CRIM1: variants seen among roughly 807,000 people sequenced by gnomAD.
The protein encoded by CRIM1 is cysteine-rich motor neuron 1 protein.
In CRIM1, 32 loss-of-function variants were observed where a neutral mutation model predicts 116.4. That is an observed-to-expected ratio of 0.27 (90% CI 0.21 to 0.37). CRIM1 has a LOEUF of 0.37. Ranked by LOEUF, CRIM1 falls within the 10% of genes least tolerant of loss-of-function variation. The pLI is 1.00. For synonymous variants in CRIM1, 590 were observed against 509.2 expected, an observed-to-expected ratio of 1.16 and a Z score of -2.13; for missense variants, 1,331 against 1,354.8, an observed-to-expected ratio of 0.98 and a Z score of 0.28.
chr2:36,547,164 CA>C lies in CRIM1; in HGVS notation c.2929del (p.Thr977LeufsTer6). The C allele has an allele frequency of 6.2e-7, 1 of 1,610,230 alleles. No individual in the cohort carries two copies. Among genetic ancestry groups the C allele is most frequent in the Non-Finnish European group, 8.5e-7 (1 of 1,177,604 alleles). The stretch of plus-strand genomic sequence containing the variant: ...CCACTGCTTTGCTGGTATCGAACAC[CA>C]ACTAAGGTACTGTCTTGCAAAAGTT... The part of the protein sequence containing the change: ...WIPLLCWYRT[P>X]TKPSSLNNQL... On this transcript the variant is annotated frameshift_variant, in exon 16 of 17. Coordinates refer to ENST00000280527, the MANE Select transcript of CRIM1 (RefSeq NM_016441.3). LOFTEE classifies it high-confidence loss of function.
intron 2 of CRIM1, among the ~76,000 whole-genome samples, chr2:36,400,912 A>G (rs1428359904): frequency 6.6e-6 from 1 of 152,084 alleles, no homozygotes; most frequent in African/African-American, 2.4e-5. Flanking sequence ...TGAATAGTCT[A>G]GTTAAAGCCT....
chr2:36,533,689 TAGAC>T (rs1666275339), intron 13 of CRIM1, among the ~76,000 whole-genome samples: 1 of 152,214 alleles, frequency 6.6e-6, no homozygotes, highest in Non-Finnish European at 1.5e-5. Flanking sequence ...AATATTCTTT[TAGAC>T]AGTGATCTCA....
intron 2 of CRIM1, among the ~76,000 whole-genome samples, chr2:36,416,358 G>T (rs1243306727): frequency 6.6e-6 from 1 of 152,098 alleles, no homozygotes; most frequent in African/African-American, 2.4e-5. Context: ...AAAAGAATGG[G>T]AACTTTATTG....
At chr2:36,408,374 G>A (rs930266225) in intron 2 of CRIM1, among the ~76,000 whole-genome samples, 7 of 152,274 alleles carry the variant, frequency 4.6e-5, no homozygotes, top group Admixed American at 3.9e-4. Flanking sequence ...CCCAGGGCTC[G>A]GCGTGTGCTC....
chr2:36,513,395 A>G, intron 10 of CRIM1, 161 bp from the exon 11 acceptor site: 2 of 611,896 alleles, frequency 3.3e-6, no homozygotes, highest in Admixed American at 2.9e-5. Context: ...GATTGAGAAC[A>G]TACTGACTTA....
chr2:36,472,662 A>G (rs750977793), intron 5 of CRIM1, among the ~76,000 whole-genome samples: 2 of 152,190 alleles, frequency 1.3e-5, no homozygotes, highest in Admixed American at 6.5e-5. Context: ...GGCTTCACCC[A>G]GATGGTAGCT....
intron 1 of CRIM1, among the ~76,000 whole-genome samples, chr2:36,376,873 C>T (rs562726516): frequency 3.3e-5 from 5 of 152,260 alleles, no homozygotes; most frequent in African/African-American, 7.2e-5. Flanking sequence ...ATACTGCAAG[C>T]TTATAGCATT....
chr2:36,475,519 T>A (rs543335868), intron 5 of CRIM1, among the ~76,000 whole-genome samples: 2 of 152,370 alleles, frequency 1.3e-5, no homozygotes, highest in South Asian at 4.1e-4. Context: ...TCATGTCATC[T>A]GCAATTAGAG....
chr2:36,437,596 T>C (rs1024730119), intron 2 of CRIM1, among the ~76,000 whole-genome samples: 2 of 152,226 alleles, frequency 1.3e-5, no homozygotes, highest in Non-Finnish European at 2.9e-5. Context: ...GCCAGTGTGA[T>C]TGATCATCTT....
intron 4 of CRIM1, 113 bp from the exon 5 acceptor site, chr2:36,464,421 G>A (rs985059663): frequency 1.0e-5 from 11 of 1,062,448 alleles, no homozygotes; most frequent in Non-Finnish European, 1.3e-5. Flanking sequence ...AAAGGAGGCA[G>A]TGTCGTATAG....
chr2:36,367,647 A>G (rs957027334), intron 1 of CRIM1, among the ~76,000 whole-genome samples: 2 of 152,220 alleles, frequency 1.3e-5, no homozygotes, highest in African/African-American at 4.8e-5. Flanking sequence ...TTGCAGAGCC[A>G]GGGAAGGAAA....
intron 4 of CRIM1, among the ~76,000 whole-genome samples, chr2:36,452,846 G>A (rs776641693): frequency 1.3e-5 from 2 of 152,138 alleles, no homozygotes; most frequent in Admixed American, 1.3e-4. Context: ...CTCCGAGTCG[G>A]ACTGAGAGAA....
intron 8 of CRIM1, 25 bp downstream of exon 8, chr2:36,499,372 T>G (rs1680828936): frequency 6.8e-6 from 11 of 1,610,242 alleles, no homozygotes; most frequent in Non-Finnish European, 9.3e-6. Context: ...GACTGTATGT[T>G]TTTTCTGAGG....
At chr2:36,434,082 T>C (rs2124911176) in intron 2 of CRIM1, among the ~76,000 whole-genome samples, 1 of 152,300 alleles carries the variant, frequency 6.6e-6, no homozygotes, top group Middle Eastern at 3.4e-3. Flanking sequence ...TATGATAAAA[T>C]CATGGAATGT....
chr2:36,485,948 T>C (rs1352620916), intron 7 of CRIM1, among the ~76,000 whole-genome samples: 1 of 152,260 alleles, frequency 6.6e-6, no homozygotes. Context: ...TATTTTTTGC[T>C]TGTCCAAATA....
intron 1 of CRIM1, among the ~76,000 whole-genome samples, chr2:36,365,368 C>G (rs531387241): frequency 6.6e-6 from 1 of 152,298 alleles, no homozygotes; most frequent in African/African-American, 2.4e-5. Context: ...CTGGACATCA[C>G]TGGAGACGTT....
In CRIM1 at chr2:36,479,587, CAT is replaced by C; in HGVS notation, c.1266_1267del (p.Phe423LeufsTer7). ...GACCGGTGGCGGGAAGACGACTGCA[CAT>C]TCTGCCAGTGCGTCAACGGTGAACG... On this transcript the variant is annotated frameshift_variant, in exon 7 of 17. Coordinates refer to ENST00000280527, the MANE Select transcript of CRIM1 (RefSeq NM_016441.3). LOFTEE classifies it high-confidence loss of function. The C allele has an allele frequency of 6.2e-7, 1 of 1,614,242 alleles. No individual in the cohort carries two copies. Among genetic ancestry groups the C allele is most frequent in the Non-Finnish European group, 8.5e-7 (1 of 1,180,038 alleles).
At chr2:36,440,921 C>T (rs1011037260) in intron 2 of CRIM1, among the ~76,000 whole-genome samples, 8 of 152,202 alleles carry the variant, frequency 5.3e-5, no homozygotes, top group African/African-American at 1.9e-4. Context: ...CTTTCAGTTA[C>T]TCAAGGAATG....
chr2:36,478,533 C>G (rs1553318500), intron 6 of CRIM1, among the ~76,000 whole-genome samples: 1 of 152,224 alleles, frequency 6.6e-6, no homozygotes, highest in Non-Finnish European at 1.5e-5. Flanking sequence ...TCTTCTCTTG[C>G]TCAGGTCCAT....
Sources: allele counts gnomAD v4.1 joint callset (sites outside exome capture counted in the v4.1 genomes callset), GRCh38; gene constraint gnomAD v4.1.1; transcripts MANE v1.5; gene names NCBI Gene and HGNC (gene_info 2026-07-23, HGNC 2026-07-21).